ZNF600: variants seen among roughly 807,000 people sequenced by gnomAD.
The protein encoded by ZNF600 is zinc finger protein KR-ZNF1.
ZNF600 carries 4 observed loss-of-function variants against 7.3 expected under a neutral mutation model. That is an observed-to-expected ratio of 0.55 (90% CI 0.27 to 1.25). The LOEUF is 1.25. Ranked by LOEUF, ZNF600 falls within the 50% of genes most tolerant of loss-of-function variation. The pLI is 0.12. For missense variants in ZNF600, 911 were observed against 922.1 expected, an observed-to-expected ratio of 0.99 and a Z score of 0.16; for synonymous variants, 290 against 308.9, an observed-to-expected ratio of 0.94 and a Z score of 0.64.
the ZNF600 span, among the ~76,000 whole-genome samples, chr19:52,811,504 C>G: frequency 6.7e-6 from 1 of 148,532 alleles, no homozygotes; most frequent in Middle Eastern, 3.2e-3. Context: ...TCTGCCCGGC[C>G]GCCCATCGTC....
chr19:52,794,437 C>T, the ZNF600 span, among the ~76,000 whole-genome samples: 1 of 152,114 alleles, frequency 6.6e-6, no homozygotes, highest in African/African-American at 2.4e-5. Context: ...ACTGTTGTTA[C>T]GAGCAGGAGA....
At chr19:52,790,886 G>A (rs2062789442), upstream of ZNF600, among the ~76,000 whole-genome samples, 1 of 151,818 alleles carries the variant, frequency 6.6e-6, no homozygotes, top group Non-Finnish European at 1.5e-5. Flanking sequence ...TCACCATGTG[G>A]GACAGGCTGG....
the ZNF600 span, among the ~76,000 whole-genome samples, chr19:52,821,290 G>C: frequency 3.3e-5 from 5 of 152,134 alleles, no homozygotes; most frequent in Non-Finnish European, 2.9e-5. Flanking sequence ...TCTAGGGTGA[G>C]GACTTTAAAA....
upstream of ZNF600, among the ~76,000 whole-genome samples, chr19:52,789,427 T>C (rs1336148985): frequency 2.0e-5 from 3 of 152,264 alleles, no homozygotes; most frequent in East Asian, 3.8e-4. Flanking sequence ...CTCACTCATT[T>C]TATGTATACA....
At chr19:52,766,389 G>C (rs771085902) in exon 4 of ZNF600, 1 of 1,614,002 alleles carries the variant, frequency 6.2e-7, no homozygotes, top group South Asian at 1.1e-5. Context: ...TGTCTCAAGG[G>C]TTGATCCACA....
At chr19:52,806,010 A>C in the ZNF600 span, 1 of 152,170 alleles carries the variant, frequency 6.6e-6, no homozygotes, top group Admixed American at 6.6e-5. Flanking sequence ...AATTAATAAA[A>C]GGACAGATAC....
intron 3 of ZNF600, among the ~76,000 whole-genome samples, chr19:52,768,615 AGCTCACT>A (rs1205725162): frequency 6.6e-6 from 1 of 151,836 alleles, no homozygotes; most frequent in African/African-American, 2.4e-5. Context: ...GCATGATCTC[AGCTCACT>A]GCAACCTCTG....
the ZNF600 span, chr19:52,800,209 T>G: frequency 2.5e-6 from 4 of 1,613,530 alleles, no homozygotes; most frequent in Non-Finnish European, 3.4e-6. Context: ...TTCTCTGCAG[T>G]ATGAAGTTTA....
rs2062577346 is a variant in ZNF600, at chr19:52,766,374, TTA to T, written c.1587_1588del (p.His529GlnfsTer13). The T allele has an allele frequency of 1.9e-6, 3 of 1,614,074 alleles. No homozygotes were observed. The highest frequency in any genetic ancestry group is 2.7e-5 in the African/African-American group (2 of 74,920). On this transcript the variant is annotated frameshift_variant, in exon 4 of 4. Coordinates refer to ENST00000648973, the Ensembl canonical transcript of ZNF600. LOFTEE classifies it low-confidence loss of function (END_TRUNC). The stretch of plus-strand genomic sequence containing the variant: ...TGGTTTCTCTCCGGTGTGAATTATC[TTA>T]TGTGTCTCAAGGGTTGATCCACAAC...
chr19:52,809,419 A>G, the ZNF600 span, among the ~76,000 whole-genome samples: 1 of 152,230 alleles, frequency 6.6e-6, no homozygotes, highest in Non-Finnish European at 1.5e-5. Context: ...AGGATGAAAT[A>G]TCGAACTAAA....
At chr19:52,795,470 G>A in the ZNF600 span, among the ~76,000 whole-genome samples, 8 of 151,926 alleles carry the variant, frequency 5.3e-5, no homozygotes, top group Non-Finnish European at 1.2e-4. Context: ...ATAATAAAAT[G>A]TGGGGTCAAA....
At chr19:52,789,489 T>C (rs147782990), upstream of ZNF600, among the ~76,000 whole-genome samples, 460 of 152,340 alleles carry the variant, frequency 3.0e-3, 2 homozygotes, top group African/African-American at 0.011. Context: ...TTTCAAAGTG[T>C]CTCGTTCCAC....
chr19:52,791,606 G>A (rs1247979179), upstream of ZNF600, among the ~76,000 whole-genome samples: 1 of 151,270 alleles, frequency 6.6e-6, no homozygotes, highest in African/African-American at 2.4e-5. Context: ...AAGACTTCAT[G>A]TCAGAAATGA....
chr19:52,776,786 T>C (rs1449329083), intron 2 of ZNF600, among the ~76,000 whole-genome samples: 1 of 152,150 alleles, frequency 6.6e-6, no homozygotes, highest in Non-Finnish European at 1.5e-5. Flanking sequence ...AAATGTTGTG[T>C]TTTCTACATA....
the ZNF600 span, among the ~76,000 whole-genome samples, chr19:52,803,687 C>A: frequency 6.6e-6 from 1 of 152,140 alleles, no homozygotes; most frequent in African/African-American, 2.4e-5. Context: ...TGACTAACAG[C>A]CAGGCACGGT....
the ZNF600 span, among the ~76,000 whole-genome samples, chr19:52,822,050 T>C: frequency 2.0e-5 from 3 of 151,134 alleles, no homozygotes; most frequent in Non-Finnish European, 4.4e-5. Context: ...CCTTTTTATT[T>C]ACATTTTTTT....
At chr19:52,818,338 A>G in the ZNF600 span, among the ~76,000 whole-genome samples, 3 of 152,186 alleles carry the variant, frequency 2.0e-5, no homozygotes, top group Non-Finnish European at 4.4e-5. Context: ...GCTACTTAGG[A>G]AGCTGAGGTG....
the ZNF600 span, among the ~76,000 whole-genome samples, chr19:52,822,551 T>C: frequency 1.1e-4 from 16 of 151,896 alleles, no homozygotes; most frequent in East Asian, 9.7e-4. Flanking sequence ...AGCTAAGAGG[T>C]TGAAAAGAGA....
At chr19:52,806,095 C>G in the ZNF600 span, 3 of 152,120 alleles carry the variant, frequency 2.0e-5, no homozygotes, top group Non-Finnish European at 4.4e-5. Context: ...AAACACTGTA[C>G]ATATATGTTA....
Sources: allele counts gnomAD v4.1 joint callset (sites outside exome capture counted in the v4.1 genomes callset), GRCh38; gene constraint gnomAD v4.1.1; transcripts MANE v1.5; gene names NCBI Gene and HGNC (gene_info 2026-07-23, HGNC 2026-07-21).